Variants in CPN1 observed in about 807,000 individuals in gnomAD.
CPN1 encodes the protein carboxypeptidase N subunit 1, also known as carboxypeptidase N catalytic chain.
Under a neutral mutation model 46.4 loss-of-function variants are expected in CPN1, and 37 were observed. That is an observed-to-expected ratio of 0.80 (90% confidence interval 0.61 to 1.05). The LOEUF is 1.05. CPN1 is among the 50% of genes least tolerant of loss of function. CPN1 has a pLI of 0.00. For missense variants in CPN1, 563 were observed against 602.6 expected, an observed-to-expected ratio of 0.93 and a Z score of 0.69; for synonymous variants, 224 against 235.4, an observed-to-expected ratio of 0.95 and a Z score of 0.44.
At position 100,081,589 on chromosome 10, in the gene CPN1, G is replaced by A; in HGVS notation, c.37C>T (p.Leu13Phe). Residue 13 changes from leucine to phenylalanine, a missense_variant, in exon 1 of 9, where the codon CTT (leucine) becomes TTT (phenylalanine). Physicochemically the swap from Leu to Phe is conservative, Grantham distance 22. Coordinates refer to ENST00000370418, the MANE Select transcript of CPN1 (RefSeq NM_001308.3). ...DLLSVFLHLL[L>F]LFKLVAPVTF... ...ACCGGGGCAACCAACTTGAAGAGAAGGAGGAGGTGGAGGAAGACTGAGAGC... is the reference window on the plus strand; with the variant it reads ...ACCGGGGCAACCAACTTGAAGAGAAAGAGGAGGTGGAGGAAGACTGAGAGC... The A allele has an allele frequency of 1.2e-6, 2 of 1,614,158 alleles. No individual in the cohort carries two copies. Among genetic ancestry groups the A allele is most frequent in the Non-Finnish European group, 1.7e-6 (2 of 1,180,042 alleles).
chr10:100,057,066 A>ACTC lies in CPN1; in HGVS notation c.955_957dup (p.Glu319dup). On this transcript the variant is annotated inframe_insertion, in exon 6 of 9. Transcript: ENST00000370418. ...CGATTACCCAGCCACTCCCGCTGTA[A>ACTC]CTCCTCTTCGGGGGGAAACTTGTCG... 1 of 1,614,022 alleles carries ACTC rather than the reference A, an allele frequency of 6.2e-7. No individual in the cohort carries two copies. Among genetic ancestry groups the ACTC allele is most frequent in the Non-Finnish European group, 8.5e-7 (1 of 1,180,002 alleles).
intron 8 of CPN1, among the ~76,000 whole-genome samples, chr10:100,043,393 TC>T (rs2041289951): frequency 8.1e-6 from 1 of 123,286 alleles, no homozygotes; most frequent in Non-Finnish European, 1.7e-5. Context: ...AGATTCCATC[TC>T]AAAAAGAAAA....
chr10:100,054,926 G>A (rs115909759), intron 6 of CPN1, among the ~76,000 whole-genome samples: 3,418 of 147,766 alleles, frequency 0.023, 109 homozygotes, highest in African/African-American at 0.077. Context: ...ACCATTTTAA[G>A]TGTACAGTTC....
intron 5 of CPN1, among the ~76,000 whole-genome samples, chr10:100,059,190 G>A (rs889408512): frequency 1.3e-5 from 2 of 152,030 alleles, no homozygotes; most frequent in African/African-American, 4.8e-5. Context: ...TAACAGATTA[G>A]ACTTCATGAA....
At chr10:100,064,577 C>T (rs750266205) in intron 4 of CPN1, among the ~76,000 whole-genome samples, 8 of 151,638 alleles carry the variant, frequency 5.3e-5, no homozygotes, top group African/African-American at 9.7e-5. Context: ...GACAGTGTTT[C>T]GCCATGTTGG....
intron 2 of CPN1, 29 bp downstream of exon 2, chr10:100,075,882 C>T: frequency 6.2e-7 from 1 of 1,611,518 alleles, no homozygotes; most frequent in Non-Finnish European, 8.5e-7. Flanking sequence ...GCCTTGATCT[C>T]TCCCCGGCAT....
intron 2 of CPN1, among the ~76,000 whole-genome samples, chr10:100,071,441 C>T (rs767469256): frequency 2.0e-5 from 3 of 152,170 alleles, no homozygotes; most frequent in Non-Finnish European, 2.9e-5. Flanking sequence ...ACTCTAATTT[C>T]TGCTTTCATC....
At chr10:100,047,177 T>A (rs976177201) in intron 8 of CPN1, among the ~76,000 whole-genome samples, 5 of 151,940 alleles carry the variant, frequency 3.3e-5, no homozygotes, top group Admixed American at 1.3e-4. Context: ...CAGTGAGCCA[T>A]AATCACGCCA....
intron 7 of CPN1, among the ~76,000 whole-genome samples, chr10:100,049,236 C>T (rs111563092): frequency 0.053 from 7,927 of 149,510 alleles, 233 homozygotes; most frequent in Middle Eastern, 0.063. Flanking sequence ...GGATTACAGG[C>T]GTGAGCCGCT....
rs902733772 is a variant in CPN1 at position 100,074,754 on chromosome 10, A to T, written c.420+1157T>A. 4.6e-5 allele frequency among the ~76,000 whole-genome samples: 7 copies of T among 152,090 alleles called. No homozygotes were observed. The East Asian group carries it at 1.4e-3, about 29-fold the overall frequency. On this transcript the variant is annotated intron_variant, in intron 2 of 8. Transcript: ENST00000370418. ...TTTTAAACACAGCTTTTAAAGGAAC[A>T]TCTCCATTGCATAAGGCAGATCGAT...
chr10:100,057,371 G>A (rs188661595), intron 5 of CPN1, among the ~76,000 whole-genome samples: 1 of 152,252 alleles, frequency 6.6e-6, no homozygotes, highest in African/African-American at 2.4e-5. Context: ...CGTTTCAATA[G>A]ACACATGTAT....
At chr10:100,062,230 TC>T (rs2041423631) in intron 5 of CPN1, among the ~76,000 whole-genome samples, 1 of 152,004 alleles carries the variant, frequency 6.6e-6, no homozygotes. Context: ...TCTTCTCTAT[TC>T]TTCAATCCAG....
In CPN1 at chr10:100,057,145, T is replaced by G. The variant is rs1262289237; in HGVS notation, c.879A>C (p.Gln293His). 6.2e-7 allele frequency: 1 copy of G among 1,614,104 alleles called. No individual in the cohort carries two copies. The part of the protein sequence containing the change: ...ASWYSLSKGM[Q>H]DFNYLHTNCF... ...AGTTGGTATGGAGATAATTAAAGTC[T>G]TGCATTCCTAAGGGAAAGAGGGCAG... The change falls in exon 6 of 9, where the codon CAA (glutamine) becomes CAC (histidine). Residue 293 changes from glutamine (Q) to histidine (H), a missense_variant. Coordinates refer to ENST00000370418, the MANE Select transcript of CPN1 (RefSeq NM_001308.3).
At position 100,079,034 on chromosome 10, in the gene CPN1, C is replaced by T. The variant is rs138792953; in HGVS notation, c.223+2369G>A. Among the ~76,000 whole-genome samples the T allele has an allele frequency of 1.3e-3, 197 of 152,374 alleles. No individual in the cohort carries two copies. In the East Asian group the frequency reaches 0.013, roughly 10 times the overall value. On this transcript the variant is annotated intron_variant, in intron 1 of 8. Coordinates refer to ENST00000370418, the MANE Select transcript of CPN1 (RefSeq NM_001308.3). ...CATCTTTTCCTCCTCAATATCAGCACGGCATGTGCCATCACACCCATCCTT... is the reference window on the plus strand; with the variant it reads ...CATCTTTTCCTCCTCAATATCAGCATGGCATGTGCCATCACACCCATCCTT...
chr10:100,055,357 C>CT (rs995081152), intron 6 of CPN1, among the ~76,000 whole-genome samples: 45 of 151,620 alleles, frequency 3.0e-4, no homozygotes, highest in African/African-American at 1.0e-3. Flanking sequence ...TATCCCCCCC[C>CT]CCAGCCCCTG....
chr10:100,072,462 G>A (rs977274606), intron 2 of CPN1, among the ~76,000 whole-genome samples: 1 of 152,052 alleles, frequency 6.6e-6, no homozygotes, highest in Non-Finnish European at 1.5e-5. Context: ...GAGCCACTAC[G>A]GCCTTATGTT....
intron 7 of CPN1, among the ~76,000 whole-genome samples, chr10:100,050,170 T>C (rs1661829652): frequency 1.3e-5 from 2 of 151,284 alleles, no homozygotes; most frequent in African/African-American, 2.5e-5. Context: ...CTGGCCAACA[T>C]GGTGAAACCC....
chr10:100,054,450 C>G lies in CPN1; in HGVS notation c.1012-4G>C. 1 of 1,608,270 alleles carries G rather than the reference C, an allele frequency of 6.2e-7. No homozygotes were observed. The highest frequency in any genetic ancestry group is 8.5e-7 in the Non-Finnish European group (1 of 1,174,752). On this transcript the variant is annotated splice_polypyrimidine_tract_variant and splice_region_variant and intron_variant, in intron 6 of 8. Transcript: ENST00000370418. The stretch of plus-strand genomic sequence containing the variant: ...TTCCCTTGATGCCCTGGTGAACCTG[C>G]AGGAACAAGTATATAGTTATGATCA...
At chr10:100,056,398 T>C (rs1292317524) in intron 6 of CPN1, among the ~76,000 whole-genome samples, 2 of 152,234 alleles carry the variant, frequency 1.3e-5, no homozygotes, top group African/African-American at 2.4e-5. Context: ...TGTAAGACTT[T>C]CTTCATAGCA....
Sources: gnomAD v4.1 joint callset for allele counts (sites outside exome capture counted in the v4.1 genomes callset) on GRCh38, gnomAD v4.1.1 for gene constraint, MANE v1.5 for transcripts, NCBI Gene and HGNC (gene_info 2026-07-23, HGNC 2026-07-21) for gene names.